The following PAPPA variants were observed in gnomAD, a reference collection of about 807,000 sequenced individuals.
PAPPA encodes the protein pappalysin-1.
Under a neutral mutation model 164.0 loss-of-function variants are expected in PAPPA, and 60 were observed. The ratio of observed to expected loss-of-function variants is 0.37; its 90% CI spans 0.30 to 0.45. PAPPA has a LOEUF of 0.45. PAPPA is among the 20% of genes least tolerant of loss of function. PAPPA has a pLI of 1.00. For synonymous variants in PAPPA, 875 were observed against 814.1 expected, an observed-to-expected ratio of 1.07 and a Z score of -1.27; for missense variants, 1,782 against 2,087.3, an observed-to-expected ratio of 0.85 and a Z score of 2.85.
rs770571982 is a variant in PAPPA at position 116,367,707 on chromosome 9, G to T, written c.4558G>T (p.Val1520Leu). The T allele has an allele frequency of 2.5e-6, 4 of 1,613,912 alleles. No homozygotes were observed. Among genetic ancestry groups the T allele is most frequent in the Non-Finnish European group, 3.4e-6 (4 of 1,179,978 alleles). The change falls in exon 19 of 22, where the codon GTG becomes TTG. Residue 1520 changes from valine to leucine, a missense_variant. Coordinates refer to ENST00000328252, the MANE Select transcript of PAPPA (RefSeq NM_002581.5). ...CGAGTCCATCATCCTGCCAATGAAC[G>T]TGACCGTGCGTGACATCCCCCACTG... Reference protein sequence around the residue: ...NSESIILPMNVTVRDIPHWLN... With the variant: ...NSESIILPMNLTVRDIPHWLN...
chr9:116,248,124 G>A (rs1167784341), intron 7 of PAPPA, among the ~76,000 whole-genome samples: 1 of 152,164 alleles, frequency 6.6e-6, no homozygotes, highest in Non-Finnish European at 1.5e-5. Flanking sequence ...GACACATACA[G>A]ACACACACAC....
intron 2 of PAPPA, among the ~76,000 whole-genome samples, chr9:116,206,879 A>T (rs548568158): frequency 8.3e-4 from 126 of 152,258 alleles, no homozygotes; most frequent in African/African-American, 3.0e-3. Flanking sequence ...AAAATTGCCA[A>T]TGGGATAATG....
intron 13 of PAPPA, 148 bp downstream of exon 13, chr9:116,335,222 G>T: frequency 1.5e-6 from 1 of 667,700 alleles, no homozygotes; most frequent in Non-Finnish European, 2.5e-6. Flanking sequence ...GGCCGGCTCT[G>T]CCTTGTGGCC....
In PAPPA at chr9:116,399,681, C is replaced by T. The variant is rs1214784314; in HGVS notation, c.*3065C>T. 1 of 152,580 alleles carries T rather than the reference C, an allele frequency of 6.6e-6. No individual in the cohort carries two copies. The highest frequency in any genetic ancestry group is 1.5e-5 in the Non-Finnish European group (1 of 68,020). 9.5% of individuals were successfully genotyped at this position (152,580 alleles called of 1,614,324 possible). A position where few individuals can be genotyped will look rare whatever the true frequency, so the allele number is the denominator to read the frequency against. ...CAAGCCACAATCTTAACTACCTACC[C>T]AAAGGATTTGCATTACCCCCAGATT... On this transcript the variant is annotated 3_prime_UTR_variant, in exon 22 of 22. Transcript: ENST00000328252.
chr9:116,315,963 C>A (rs979553501), intron 10 of PAPPA, among the ~76,000 whole-genome samples: 46 of 152,124 alleles, frequency 3.0e-4, no homozygotes, highest in African/African-American at 8.0e-4. Flanking sequence ...TTAAACCTGT[C>A]AACCACTGTA....
intron 7 of PAPPA, 52 bp downstream of exon 7, chr9:116,235,689 A>G: frequency 6.3e-7 from 1 of 1,589,310 alleles, no homozygotes. Flanking sequence ...GTTGTGGAGG[A>G]ACGTGAGGTG....
chr9:116,382,307 C>A, intron 20 of PAPPA, 88 bp from the exon 21 acceptor site: 1 of 808,366 alleles, frequency 1.2e-6, no homozygotes, highest in South Asian at 1.4e-5. Flanking sequence ...GAAAAGATGA[C>A]AGACACCCGA....
chr9:116,262,493 G>A (rs1034175370), intron 7 of PAPPA, among the ~76,000 whole-genome samples: 1 of 152,152 alleles, frequency 6.6e-6, no homozygotes. Flanking sequence ...AGCTGCTGTC[G>A]CTGCACTAAA....
At chr9:116,309,626 AGGAGAGGGAGGACG>A (rs924043132) in intron 10 of PAPPA, among the ~76,000 whole-genome samples, 1 of 152,118 alleles carries the variant, frequency 6.6e-6, no homozygotes, top group African/African-American at 2.4e-5. Flanking sequence ...GCTGGAGGAC[AGGAGAGGGAGGACG>A]GGAGAGGGAG....
At chr9:116,229,129 C>A (rs1844553941) in intron 6 of PAPPA, among the ~76,000 whole-genome samples, 1 of 151,984 alleles carries the variant, frequency 6.6e-6, no homozygotes, top group South Asian at 2.1e-4. Context: ...AGAAGGGGAC[C>A]CCATGCAGAA....
intron 11 of PAPPA, 66 bp from the exon 12 acceptor site, chr9:116,332,267 A>C: frequency 6.8e-7 from 1 of 1,461,630 alleles, no homozygotes. Context: ...ATGCACCCCA[A>C]TGTGGCTGCC....
intron 1 of PAPPA, among the ~76,000 whole-genome samples, chr9:116,159,184 T>A (rs1843636194): frequency 6.6e-6 from 1 of 152,244 alleles, no homozygotes; most frequent in Admixed American, 6.5e-5. Context: ...TCAAGTCACT[T>A]CATCCATCTC....
rs1253139087 is a variant in PAPPA at position 116,271,196 on chromosome 9, G to A, written c.2862-129G>A. The stretch of plus-strand genomic sequence containing the variant: ...CTCATTTTGAAGATGAAGAAGCAGA[G>A]ACTCAGACAGAGAAAGGGATTTGTG... On this transcript the variant is annotated intron_variant, in intron 8 of 21. Coordinates refer to ENST00000328252, the MANE Select transcript of PAPPA (RefSeq NM_002581.5). The surrounding 1 kb of genome is among the most constrained non-coding windows in gnomAD (Gnocchi z 4.2). 7.6e-6 allele frequency: 5 copies of A among 659,646 alleles called. No homozygotes were observed. The East Asian group carries it at 7.7e-5, about 10-fold the overall frequency. The allele number at this position is 659,646 out of a possible 1,614,324, so 40.9% of individuals were successfully genotyped here.
chr9:116,195,644 GCA>G (rs1844095134), intron 2 of PAPPA, among the ~76,000 whole-genome samples: 1 of 152,204 alleles, frequency 6.6e-6, no homozygotes, highest in African/African-American at 2.4e-5. Flanking sequence ...TTTTAGGACA[GCA>G]CCTGGCACAT....
chr9:116,240,591 G>A (rs1844723652), intron 7 of PAPPA, among the ~76,000 whole-genome samples: 1 of 152,150 alleles, frequency 6.6e-6, no homozygotes, highest in Non-Finnish European at 1.5e-5. Context: ...TAGTAAGCTT[G>A]TACTATGTGT....
intron 19 of PAPPA, among the ~76,000 whole-genome samples, chr9:116,377,184 ACACACACATGCAAACACACACATGCG>A (rs1468559991): frequency 6.6e-6 from 1 of 151,576 alleles, no homozygotes; most frequent in African/African-American, 2.4e-5. Flanking sequence ...ACACATACAC[ACACACACATGCAAACACACACATGCG>A]CACACACACA....
intron 1 of PAPPA, among the ~76,000 whole-genome samples, chr9:116,161,781 C>G (rs937816993): frequency 3.7e-4 from 56 of 151,454 alleles, no homozygotes; most frequent in Admixed American, 3.7e-3. Context: ...TTGTTGAAAC[C>G]AAGTGATTAA....
At chr9:116,203,374 G>T (rs1033805853) in intron 2 of PAPPA, among the ~76,000 whole-genome samples, 2 of 152,120 alleles carry the variant, frequency 1.3e-5, no homozygotes, top group African/African-American at 4.8e-5. Context: ...GCCCATCGGT[G>T]GTGGTTCTCT....
At chr9:116,294,385 G>T (rs1845475580) in intron 9 of PAPPA, among the ~76,000 whole-genome samples, 1 of 152,112 alleles carries the variant, frequency 6.6e-6, no homozygotes, top group South Asian at 2.1e-4. Flanking sequence ...GGTTCCTTAG[G>T]AGCCCTCACT....
Sources: allele counts gnomAD v4.1 joint callset (sites outside exome capture counted in the v4.1 genomes callset), GRCh38; gene constraint gnomAD v4.1.1; non-coding constraint Gnocchi (gnomAD v3.1); transcripts MANE v1.5; gene names NCBI Gene and HGNC (gene_info 2026-07-23, HGNC 2026-07-21).